The following PSD2 variants were observed in gnomAD, a reference collection of about 807,000 sequenced individuals.
PSD2 encodes pleckstrin and Sec7 domain containing 2.
Under a neutral mutation model 69.8 loss-of-function variants are expected in PSD2, and 38 were observed. The ratio of observed to expected loss-of-function variants is 0.54; its 90% confidence interval spans 0.42 to 0.71. PSD2 has a LOEUF of 0.71. Among genes scored for constraint, PSD2 ranks in the 30% least tolerant of loss-of-function variants. PSD2 has a pLI of 0.00. For synonymous variants in PSD2, 412 were observed against 423.0 expected (o/e 0.97, Z 0.32); for missense variants, 943 against 1,014.5 (o/e 0.93, Z 0.96).
chr5:139,809,637 T>C lies in PSD2; in HGVS notation c.197T>C (p.Val66Ala). 1.2e-6 allele frequency: 2 copies of C among 1,614,256 alleles called. No homozygotes were observed. The highest frequency in any genetic ancestry group is 1.7e-6 in the Non-Finnish European group (2 of 1,180,042). ...GAGGAACCCACGAAGGACCCAGATG[T>C]GGCCTTCCATGGCCTCAGCCTTGGC... is the stretch of plus-strand genomic sequence containing the variant. Reference protein sequence around the residue: ...DTEEPTKDPDVAFHGLSLGLS... With the variant: ...DTEEPTKDPDAAFHGLSLGLS... Residue 66 changes from valine to alanine, a missense_variant, in exon 2 of 15, where the codon GTG becomes GCG. By Grantham distance (64) the Val-to-Ala change is moderately conservative. Around this residue, in one of 3 missense-constraint regions of PSD2, gnomAD observed 466 missense variants for 445.0 expected, o/e 1.05. Transcript: ENST00000274710.
At chr5:139,761,001 T>TA in the PSD2 span, among the ~76,000 whole-genome samples, 1,217 of 152,134 alleles carry the variant, frequency 8.0e-3, 17 homozygotes, top group African/African-American at 0.027. Context: ...GTTAGGATAA[T>TA]AAAAATAAAT....
chr5:139,770,516 A>G, the PSD2 span, among the ~76,000 whole-genome samples: 46 of 152,298 alleles, frequency 3.0e-4, no homozygotes, highest in Admixed American at 1.2e-3. Flanking sequence ...CAGAGAGCTG[A>G]GATCGCGGCA....
At chr5:139,781,859 C>T in the PSD2 span, among the ~76,000 whole-genome samples, 2 of 152,242 alleles carry the variant, frequency 1.3e-5, no homozygotes, top group East Asian at 3.9e-4. Flanking sequence ...GTCTCGAACT[C>T]CTGACCTCAG....
chr5:139,813,427 C>T lies in PSD2; in HGVS notation c.490C>T (p.Leu164=). The T allele has an allele frequency of 2.5e-6, 4 of 1,614,030 alleles. No individual in the cohort carries two copies. Among genetic ancestry groups the T allele is most frequent in the Non-Finnish European group, 3.4e-6 (4 of 1,179,882 alleles). Residue 164 remains leucine (L), a synonymous_variant, in exon 3 of 15, where the codon CTG becomes TTG. Coordinates refer to ENST00000274710, the MANE Select transcript of PSD2 (RefSeq NM_032289.4). ...QYSSLDSLDG[L]SLTDESDSCV... ...CAGCAGCCTCGACTCCCTAGACGGG[C>T]TGAGCCTCACGGATGAGAGCGACAG...
intron 2 of PSD2, 75 bp downstream of exon 2, chr5:139,809,886 T>C (rs1434970418): frequency 1.1e-5 from 17 of 1,488,586 alleles, no homozygotes; most frequent in African/African-American, 2.8e-5. Flanking sequence ...CTTAGCCACT[T>C]AGTTTCTCCG....
intron 1 of PSD2, among the ~76,000 whole-genome samples, chr5:139,807,785 C>T (rs1041464970): frequency 1.3e-5 from 2 of 152,104 alleles, no homozygotes; most frequent in African/African-American, 4.8e-5. Context: ...GAAGTGGACC[C>T]GCCTCCCTCC....
chr5:139,791,922 C>A (rs964595626), upstream of PSD2, among the ~76,000 whole-genome samples: 19 of 152,178 alleles, frequency 1.2e-4, no homozygotes, highest in Middle Eastern at 3.2e-3. Flanking sequence ...TTTCAAGGAG[C>A]TTTGCTGTAA....
intron 4 of PSD2, 128 bp from the exon 5 acceptor site, chr5:139,817,353 C>G: frequency 1.3e-6 from 1 of 758,650 alleles, no homozygotes; most frequent in Non-Finnish European, 2.3e-6. Context: ...AACTAGCCAG[C>G]AGCCTAGGGG....
At chr5:139,800,674 C>T (rs1759649059) in intron 1 of PSD2, among the ~76,000 whole-genome samples, 1 of 152,184 alleles carries the variant, frequency 6.6e-6, no homozygotes, top group Admixed American at 6.5e-5. Context: ...CCTGAGGCTC[C>T]CAGTGCCACA....
At chr5:139,749,177 G>T in the PSD2 span, among the ~76,000 whole-genome samples, 1 of 152,164 alleles carries the variant, frequency 6.6e-6, no homozygotes, top group Admixed American at 6.5e-5. Context: ...TTGCTCAGTC[G>T]GTTCCCCCCT....
At chr5:139,807,987 AG>A (rs1271651921) in intron 1 of PSD2, among the ~76,000 whole-genome samples, 1 of 152,230 alleles carries the variant, frequency 6.6e-6, no homozygotes, top group African/African-American at 2.4e-5. Context: ...AGGCAAGTAT[AG>A]GAAGTTTGAG....
the PSD2 span, among the ~76,000 whole-genome samples, chr5:139,763,953 G>A: frequency 6.1e-4 from 93 of 152,310 alleles, no homozygotes; most frequent in Middle Eastern, 3.4e-3. Flanking sequence ...GTAGTCTGGG[G>A]AAGTCACCAA....
chr5:139,804,316 C>T (rs1449888294), intron 1 of PSD2, among the ~76,000 whole-genome samples: 1 of 152,112 alleles, frequency 6.6e-6, no homozygotes, highest in Non-Finnish European at 1.5e-5. Flanking sequence ...GATTTCTTTG[C>T]CAAGTAACCC....
the PSD2 span, among the ~76,000 whole-genome samples, chr5:139,757,062 A>G: frequency 6.6e-6 from 1 of 152,202 alleles, no homozygotes. Context: ...CAGGGTAGTG[A>G]GGGGCATGGC....
At chr5:139,799,915 A>T (rs1759626890) in intron 1 of PSD2, among the ~76,000 whole-genome samples, 1 of 152,112 alleles carries the variant, frequency 6.6e-6, no homozygotes, top group South Asian at 2.1e-4. Context: ...TTTTGAGTGT[A>T]TGAGGTCTGA....
At chr5:139,777,454 C>T in the PSD2 span, among the ~76,000 whole-genome samples, 5 of 152,192 alleles carry the variant, frequency 3.3e-5, no homozygotes, top group East Asian at 7.7e-4. Flanking sequence ...AGAAAGGCAA[C>T]GTCTGTCTAA....
chr5:139,774,889 G>T, the PSD2 span, among the ~76,000 whole-genome samples: 1 of 152,224 alleles, frequency 6.6e-6, no homozygotes. Context: ...TAGTGATGTT[G>T]CTGTGTCCAC....
the PSD2 span, among the ~76,000 whole-genome samples, chr5:139,779,586 A>C: frequency 3.4e-4 from 51 of 152,204 alleles, no homozygotes; most frequent in African/African-American, 1.2e-3. Flanking sequence ...GAAATGCACA[A>C]ATCTTAAGTA....
the PSD2 span, among the ~76,000 whole-genome samples, chr5:139,776,240 G>A: frequency 2.6e-5 from 4 of 152,224 alleles, no homozygotes; most frequent in Non-Finnish European, 5.9e-5. Context: ...AATCTCCTCT[G>A]GGCATCGGGC....
Sources: gnomAD v4.1 joint callset for allele counts (sites outside exome capture counted in the v4.1 genomes callset) on GRCh38, gnomAD v4.1.1 for gene constraint, gnomAD v4.1.1 regional missense constraint, MANE v1.5 for transcripts, NCBI Gene and HGNC (gene_info 2026-07-23, HGNC 2026-07-21) for gene names.